NRXN1: variants seen among roughly 807,000 people sequenced by gnomAD.
The protein encoded by NRXN1 is neurexin-1.
A neutral mutation model predicts 150.9 loss-of-function variants in NRXN1; 39 were observed. The observed-to-expected ratio is 0.26, with a 90% confidence interval of 0.20 to 0.34. The LOEUF is 0.34. Ranked by LOEUF, NRXN1 falls within the 10% of genes least tolerant of loss-of-function variation. The pLI is 1.00. For missense variants in NRXN1, 1,815 were observed against 1,949.9 expected, an observed-to-expected ratio of 0.93 and a Z score of 1.30; for synonymous variants, 924 against 757.0, an observed-to-expected ratio of 1.22 and a Z score of -3.62.
chr2:50,611,832 C>T (rs1009960702), intron 8 of NRXN1, among the ~76,000 whole-genome samples: 4 of 152,050 alleles, frequency 2.6e-5, no homozygotes, highest in Non-Finnish European at 4.4e-5. Flanking sequence ...CAATTCAACC[C>T]GGGGAGTGGG....
In NRXN1 at chr2:50,346,724, A is replaced by C; in HGVS notation, c.3365-109754T>G. 6.2e-7 allele frequency: 1 copy of C among 1,613,892 alleles called. No homozygotes were observed. The highest frequency in any genetic ancestry group is 8.5e-7 in the Non-Finnish European group (1 of 1,179,904). On this transcript the variant is annotated intron_variant, in intron 17 of 22. Transcript: ENST00000401669. This position sits in a 1 kb window ranked among gnomAD's most constrained non-coding sequence, Gnocchi z 5.0. ...CCTCGCAAGGATGCCGGTGACCTGT[A>C]GATTGCAATAGGCACTGAATGATGC... is the stretch of plus-strand genomic sequence containing the variant.
chr2:50,262,825 G>T lies in NRXN1; in HGVS notation c.3365-25855C>A, dbSNP rs11897898. ...GGTCCACAGATTATTAATTCCCATTGTAAGATAATCCTGCCAATGTTCACC... is the reference window on the plus strand; with the variant it reads ...GGTCCACAGATTATTAATTCCCATTTTAAGATAATCCTGCCAATGTTCACC... On this transcript the variant is annotated intron_variant, in intron 17 of 22. Coordinates refer to ENST00000401669, the MANE Select transcript of NRXN1 (RefSeq NM_001330078.2). 1.1e-4 allele frequency among the ~76,000 whole-genome samples: 17 copies of T among 151,900 alleles called. No individual in the cohort carries two copies. The South Asian group carries it at 3.1e-3, about 28-fold the overall frequency.
intron 2 of NRXN1, among the ~76,000 whole-genome samples, chr2:50,948,177 A>G (rs1360868278): frequency 6.6e-6 from 1 of 152,038 alleles, no homozygotes; most frequent in African/African-American, 2.4e-5. Context: ...AGATTTCTTG[A>G]GGTAATTTTT....
intron 17 of NRXN1, among the ~76,000 whole-genome samples, chr2:50,418,781 T>TA (rs2083747966): frequency 6.6e-6 from 1 of 152,020 alleles, no homozygotes; most frequent in African/African-American, 2.4e-5. Context: ...TATGCATATA[T>TA]TTTTAAATAC....
intron 17 of NRXN1, among the ~76,000 whole-genome samples, chr2:50,364,069 A>T (rs561821729): frequency 2.0e-5 from 3 of 152,252 alleles, no homozygotes; most frequent in African/African-American, 7.2e-5. Flanking sequence ...GGAGGGGAAC[A>T]TCACCCACTG....
intron 17 of NRXN1, among the ~76,000 whole-genome samples, chr2:50,298,472 A>C (rs146209645): frequency 1.5e-4 from 23 of 152,292 alleles, no homozygotes; most frequent in Admixed American, 1.4e-3. Flanking sequence ...GTGAAAATTC[A>C]GGCAAGTATT....
chr2:50,317,392 A>G (rs2152970124), intron 17 of NRXN1, among the ~76,000 whole-genome samples: 1 of 152,116 alleles, frequency 6.6e-6, no homozygotes, highest in African/African-American at 2.4e-5. Context: ...AACAGTAGTT[A>G]GAAATAAATG....
intron 5 of NRXN1, among the ~76,000 whole-genome samples, chr2:50,661,475 T>G (rs1486656017): frequency 1.3e-5 from 2 of 152,108 alleles, no homozygotes; most frequent in Non-Finnish European, 2.9e-5. Context: ...AGTGATTTCC[T>G]CTGCCACATT....
At chr2:50,847,321 G>C (rs1673806109) in intron 5 of NRXN1, among the ~76,000 whole-genome samples, 1 of 152,102 alleles carries the variant, frequency 6.6e-6, no homozygotes, top group Admixed American at 6.5e-5. Flanking sequence ...AAAACATCTG[G>C]AAACTGGCGT....
chr2:49,935,754 AC>A (rs1395154458), intron 22 of NRXN1, among the ~76,000 whole-genome samples: 3 of 152,208 alleles, frequency 2.0e-5, no homozygotes, highest in African/African-American at 7.2e-5. Flanking sequence ...TACCAAGAGA[AC>A]GCCACAGGAA....
chr2:50,184,383 A>G (rs1304270828), intron 18 of NRXN1, among the ~76,000 whole-genome samples: 3 of 152,004 alleles, frequency 2.0e-5, no homozygotes, highest in African/African-American at 7.2e-5. Context: ...AGTACTTTTT[A>G]TTTAATATCA....
intron 18 of NRXN1, among the ~76,000 whole-genome samples, chr2:50,231,788 T>C (rs1053152356): frequency 1.3e-5 from 2 of 152,080 alleles, no homozygotes; most frequent in African/African-American, 4.8e-5. Flanking sequence ...AATTTCCAAA[T>C]GACATCACTA....
chr2:50,826,894 A>G (rs1034061357), intron 5 of NRXN1, among the ~76,000 whole-genome samples: 2 of 152,206 alleles, frequency 1.3e-5, no homozygotes, highest in African/African-American at 4.8e-5. Flanking sequence ...AGATGGCATT[A>G]AACGCCACAG....
intron 21 of NRXN1, among the ~76,000 whole-genome samples, chr2:50,015,045 A>G (rs912944048): frequency 6.6e-6 from 1 of 152,142 alleles, no homozygotes; most frequent in African/African-American, 2.4e-5. Flanking sequence ...GTTGTATCTA[A>G]CCTTAAATCA....
intron 17 of NRXN1, chr2:50,416,992 A>G (rs1349684892): frequency 6.6e-6 from 1 of 152,084 alleles, no homozygotes; most frequent in Non-Finnish European, 1.5e-5. Flanking sequence ...ATTTACACAG[A>G]TTCATTTTGA....
intron 18 of NRXN1, among the ~76,000 whole-genome samples, chr2:50,128,956 A>G (rs1333646860): frequency 2.6e-5 from 4 of 151,670 alleles, no homozygotes; most frequent in Non-Finnish European, 5.9e-5. Flanking sequence ...GCACTCCATC[A>G]TGAGCGACAA....
intron 5 of NRXN1, among the ~76,000 whole-genome samples, chr2:50,897,245 G>A (rs372281172): frequency 6.6e-6 from 1 of 152,240 alleles, no homozygotes; most frequent in East Asian, 1.9e-4. Flanking sequence ...CTGGTTATGA[G>A]GATAAATGAG....
At chr2:50,605,965 T>TA (rs1677042141) in intron 8 of NRXN1, among the ~76,000 whole-genome samples, 2 of 151,874 alleles carry the variant, frequency 1.3e-5, no homozygotes, top group South Asian at 2.1e-4. Flanking sequence ...TATTCCGCCT[T>TA]AAAAAAGAGA....
chr2:50,180,895 C>A (rs567393774), intron 18 of NRXN1, among the ~76,000 whole-genome samples: 2 of 152,152 alleles, frequency 1.3e-5, no homozygotes, highest in South Asian at 4.1e-4. Flanking sequence ...AAATGACTGT[C>A]TTAATTTTTT....
Sources: allele counts gnomAD v4.1 joint callset (sites outside exome capture counted in the v4.1 genomes callset), GRCh38; gene constraint gnomAD v4.1.1; non-coding constraint Gnocchi (gnomAD v3.1); transcripts MANE v1.5; gene names NCBI Gene and HGNC (gene_info 2026-07-23, HGNC 2026-07-21).